Variants in LRP1B observed in about 807,000 individuals in gnomAD.
LRP1B encodes LDL receptor related protein 1B.
In LRP1B, 217 loss-of-function variants were observed where a neutral mutation model predicts 556.6. That is an observed-to-expected ratio of 0.39 (90% confidence interval 0.35 to 0.44). The LOEUF (loss-of-function observed/expected upper bound fraction) is 0.44. Among genes scored for constraint, LRP1B ranks in the 20% least tolerant of loss-of-function variants. The pLI is 1.00. For synonymous variants in LRP1B, 2,047 were observed against 1,865.8 expected (o/e 1.10, Z -2.50); for missense variants, 5,053 against 5,620.8 (o/e 0.90, Z 3.23).
chr2:141,964,471 C>A (rs1011099923), intron 1 of LRP1B, among the ~76,000 whole-genome samples: 2 of 149,956 alleles, frequency 1.3e-5, no homozygotes, highest in Non-Finnish European at 1.5e-5. Context: ...CTTTGACAAA[C>A]CTGAGAAAAA....
intron 33 of LRP1B, among the ~76,000 whole-genome samples, chr2:140,774,478 T>C: frequency 6.6e-6 from 1 of 152,178 alleles, no homozygotes; most frequent in Non-Finnish European, 1.5e-5. Context: ...TATTTACAGC[T>C]TAAAACAAAG....
intron 1 of LRP1B, among the ~76,000 whole-genome samples, chr2:142,111,309 C>G (rs1453735424): frequency 6.6e-6 from 1 of 152,018 alleles, no homozygotes; most frequent in African/African-American, 2.4e-5. Flanking sequence ...CAGTGTTATA[C>G]AGCTAACAAG....
intron 7 of LRP1B, among the ~76,000 whole-genome samples, chr2:141,138,383 C>G (rs1175027745): frequency 6.6e-6 from 1 of 151,946 alleles, no homozygotes; most frequent in African/African-American, 2.4e-5. Flanking sequence ...CTGCTCTTAT[C>G]ACTTCTATTC....
chr2:142,123,565 G>C (rs1325082031), intron 1 of LRP1B, among the ~76,000 whole-genome samples: 1 of 151,884 alleles, frequency 6.6e-6, no homozygotes, highest in Non-Finnish European at 1.5e-5. Context: ...AACTCAGGAA[G>C]AGATGTCTGA....
chr2:142,086,115 G>T (rs1410927747), intron 1 of LRP1B, among the ~76,000 whole-genome samples: 1 of 152,144 alleles, frequency 6.6e-6, no homozygotes, highest in African/African-American at 2.4e-5. Flanking sequence ...AGGGTACTTG[G>T]TGTATCTAGA....
At chr2:140,349,685 A>G (rs998320938) in intron 77 of LRP1B, among the ~76,000 whole-genome samples, 1 of 152,102 alleles carries the variant, frequency 6.6e-6, no homozygotes, top group African/African-American at 2.4e-5. Flanking sequence ...TACTCCATTC[A>G]TTAACAACAG....
chr2:141,848,753 A>T (rs1269525970), intron 1 of LRP1B, among the ~76,000 whole-genome samples: 1 of 151,540 alleles, frequency 6.6e-6, no homozygotes, highest in Non-Finnish European at 1.5e-5. Context: ...TAGAATGGAT[A>T]CCCATGCAGG....
At chr2:141,138,198 C>T (rs182629507) in intron 7 of LRP1B, among the ~76,000 whole-genome samples, 2 of 151,982 alleles carry the variant, frequency 1.3e-5, no homozygotes, top group East Asian at 1.9e-4. Context: ...ACAAAAAAAT[C>T]GTTTGACAAA....
At chr2:141,926,246 C>A (rs1163594784) in intron 1 of LRP1B, among the ~76,000 whole-genome samples, 1 of 152,158 alleles carries the variant, frequency 6.6e-6, no homozygotes, top group Non-Finnish European at 1.5e-5. Context: ...AGCTAGATAT[C>A]TATAGCTTCC....
chr2:141,409,060 T>C (rs1430425661), intron 3 of LRP1B, among the ~76,000 whole-genome samples: 2 of 152,308 alleles, frequency 1.3e-5, no homozygotes, highest in East Asian at 3.9e-4. Flanking sequence ...GCTAGGCTTA[T>C]GGCATTGAAT....
intron 1 of LRP1B, among the ~76,000 whole-genome samples, chr2:141,996,501 G>A (rs948624468): frequency 1.3e-5 from 2 of 152,014 alleles, no homozygotes; most frequent in African/African-American, 4.8e-5. Flanking sequence ...AAACCAATAG[G>A]GACATAAGAA....
At chr2:140,675,394 AGAATAAGT>A (rs1274832162) in intron 41 of LRP1B, among the ~76,000 whole-genome samples, 1 of 152,244 alleles carries the variant, frequency 6.6e-6, no homozygotes, top group African/African-American at 2.4e-5. Context: ...TATGCCAAAA[AGAATAAGT>A]GAATAATTCA....
intron 20 of LRP1B, among the ~76,000 whole-genome samples, chr2:140,923,759 C>G (rs1346104162): frequency 6.6e-6 from 1 of 151,860 alleles, no homozygotes; most frequent in Non-Finnish European, 1.5e-5. Context: ...AATTGAAATA[C>G]TAGACATTCA....
At chr2:140,796,926 T>G (rs539748076) in intron 32 of LRP1B, among the ~76,000 whole-genome samples, 1 of 151,772 alleles carries the variant, frequency 6.6e-6, no homozygotes, top group Non-Finnish European at 1.5e-5. Flanking sequence ...AAATGATATG[T>G]TATTTGTCAT....
In LRP1B at chr2:140,886,324, C is replaced by A. The variant is rs752553135; in HGVS notation, c.3778G>T (p.Ala1260Ser). Residue 1260 changes from alanine (A) to serine (S), a missense_variant, in exon 24 of 91, where the codon GCA becomes TCA. Around this residue, in one of 5 missense-constraint regions of LRP1B, gnomAD observed 3,619 missense variants for 3,931.9 expected, o/e 0.92. Coordinates refer to ENST00000389484, the MANE Select transcript of LRP1B (RefSeq NM_018557.3). ...TGACGAATAGAAAAGATGATGAATG[C>A]TTCAAAAGGATCTGAAATTAAATTT... ...ESCTSVDPFEAFIIFSIRHEI... is the reference protein window; with the variant it reads ...ESCTSVDPFESFIIFSIRHEI... 6.4e-7 allele frequency: 1 copy of A among 1,566,454 alleles called. No homozygotes were observed. The highest frequency in any genetic ancestry group is 2.3e-5 in the East Asian group (1 of 43,596).
intron 1 of LRP1B, among the ~76,000 whole-genome samples, chr2:141,944,294 C>T (rs943073709): frequency 2.6e-5 from 4 of 152,082 alleles, no homozygotes; most frequent in African/African-American, 4.8e-5. Flanking sequence ...GGACAGGAAA[C>T]GCTCCGTGTT....
At chr2:141,203,026 G>C (rs540772567) in intron 6 of LRP1B, among the ~76,000 whole-genome samples, 1 of 152,092 alleles carries the variant, frequency 6.6e-6, no homozygotes, top group Non-Finnish European at 1.5e-5. Context: ...CCTTACAAGA[G>C]TTCCTGAAGG....
At chr2:140,560,157 C>T (rs1461643943) in intron 43 of LRP1B, among the ~76,000 whole-genome samples, 1 of 151,852 alleles carries the variant, frequency 6.6e-6, no homozygotes, top group African/African-American at 2.4e-5. Flanking sequence ...TCAAATAAAC[C>T]CAAATTGAGG....
At chr2:140,761,403 C>T (rs1688917054) in intron 35 of LRP1B, among the ~76,000 whole-genome samples, 1 of 152,174 alleles carries the variant, frequency 6.6e-6, no homozygotes, top group Non-Finnish European at 1.5e-5. Flanking sequence ...TTCACTCCTT[C>T]TCTAGTCCCT....
Sources: allele counts gnomAD v4.1 joint callset (sites outside exome capture counted in the v4.1 genomes callset), GRCh38; gene constraint gnomAD v4.1.1; regional missense constraint gnomAD v4.1.1; transcripts MANE v1.5; gene names NCBI Gene and HGNC (gene_info 2026-07-23, HGNC 2026-07-21).